The following RUNX1 variants were observed in gnomAD, a reference collection of about 807,000 sequenced individuals.
The protein encoded by RUNX1 is RUNX family transcription factor 1, also known as runt-related transcription factor 1.
A neutral mutation model predicts 42.8 loss-of-function variants in RUNX1; 19 were observed. The ratio of observed to expected loss-of-function variants is 0.44; its 90% CI spans 0.31 to 0.65. RUNX1 has a LOEUF of 0.65. RUNX1 is among the 30% of genes least tolerant of loss of function. RUNX1 has a pLI of 0.07. For synonymous variants in RUNX1, 271 were observed against 289.4 expected, an observed-to-expected ratio of 0.94 and a Z score of 0.64; for missense variants, 528 against 672.0, an observed-to-expected ratio of 0.79 and a Z score of 2.37.
chr21:34,848,930 A>G (rs2057355301), intron 6 of RUNX1, among the ~76,000 whole-genome samples: 1 of 152,304 alleles, frequency 6.6e-6, no homozygotes, highest in South Asian at 2.1e-4. Context: ...TGTAGTATCT[A>G]GGAACTTATT....
chr21:34,875,868 A>G (rs138206284), intron 5 of RUNX1, among the ~76,000 whole-genome samples: 332 of 152,344 alleles, frequency 2.2e-3, no homozygotes, highest in Non-Finnish European at 4.0e-3. Context: ...TTTAGCCCAA[A>G]TAATGTAGAA....
chr21:34,865,955 C>T (rs1040865971), intron 5 of RUNX1, among the ~76,000 whole-genome samples: 1 of 152,158 alleles, frequency 6.6e-6, no homozygotes, highest in Non-Finnish European at 1.5e-5. Context: ...TATAACACCC[C>T]GTGTCTGACG....
At chr21:34,853,120 TATG>T (rs2057447261) in intron 6 of RUNX1, among the ~76,000 whole-genome samples, 3 of 152,182 alleles carry the variant, frequency 2.0e-5, no homozygotes, top group African/African-American at 7.2e-5. Context: ...AGAAGAGGTC[TATG>T]TTGTACAACA....
At chr21:34,944,516 G>T (rs563019553) in intron 2 of RUNX1, among the ~76,000 whole-genome samples, 5 of 152,192 alleles carry the variant, frequency 3.3e-5, no homozygotes, top group Non-Finnish European at 7.3e-5. Context: ...GAAATATGTG[G>T]TTAAATATTG....
chr21:34,844,379 A>G (rs778396982), intron 6 of RUNX1, among the ~76,000 whole-genome samples: 2 of 152,102 alleles, frequency 1.3e-5, no homozygotes, highest in African/African-American at 2.4e-5. Context: ...AGGCGCACAC[A>G]CACTGCTTGC....
At position 34,949,481 on chromosome 21, in the gene RUNX1, A is replaced by G. The variant is rs1035986963; in HGVS notation, c.59-56518T>C. 3.9e-5 allele frequency among the ~76,000 whole-genome samples: 6 copies of G among 152,392 alleles called. No individual in the cohort carries two copies. In the South Asian group the frequency reaches 1.0e-3, roughly 26 times the overall value. ...CAACCTTCAGCAGAGAAACATTCCAATGTGGCTGGGTTGAATGCTTTGTTT... is the reference window on the plus strand; with the variant it reads ...CAACCTTCAGCAGAGAAACATTCCAGTGTGGCTGGGTTGAATGCTTTGTTT... On this transcript the variant is annotated intron_variant, in intron 2 of 8. Coordinates refer to ENST00000675419, the MANE Select transcript of RUNX1 (RefSeq NM_001754.5).
intron 2 of RUNX1, among the ~76,000 whole-genome samples, chr21:34,964,657 T>C (rs574834817): frequency 6.6e-6 from 1 of 152,276 alleles, no homozygotes; most frequent in Admixed American, 6.5e-5. Context: ...ATCAGCCTTG[T>C]AGGTGGTGAT....
Position 34,947,292 on chromosome 21 carries a change from T to C in RUNX1, c.59-54329A>G, listed in dbSNP as rs78011747. ...TTCAGATTTTTTTGGCTACCATTAC[T>C]CTCAGCTATGTTGATGTAATGAAAC... On this transcript the variant is annotated intron_variant, in intron 2 of 8. Coordinates refer to ENST00000675419, the MANE Select transcript of RUNX1 (RefSeq NM_001754.5). Among the ~76,000 whole-genome samples, 805 of 152,312 alleles carry C rather than the reference T, an allele frequency of 5.3e-3. 4 individuals carry two copies. Among genetic ancestry groups the C allele is most frequent in the African/African-American group, 0.018 (765 of 41,572 alleles).
intron 7 of RUNX1, among the ~76,000 whole-genome samples, chr21:34,820,234 T>G (rs1360687659): frequency 6.6e-6 from 1 of 152,024 alleles, no homozygotes; most frequent in African/African-American, 2.4e-5. Context: ...TATCCCTTCC[T>G]TGCTGGGTGG....
At chr21:34,999,715 G>A (rs760414224) in intron 2 of RUNX1, among the ~76,000 whole-genome samples, 3 of 152,162 alleles carry the variant, frequency 2.0e-5, no homozygotes, top group African/African-American at 4.8e-5. Flanking sequence ...TTCAGCCCAC[G>A]GAAAGCACAT....
intron 4 of RUNX1, among the ~76,000 whole-genome samples, chr21:34,882,160 T>C (rs1324641644): frequency 1.3e-5 from 2 of 152,224 alleles, no homozygotes; most frequent in African/African-American, 2.4e-5. Context: ...TCTTTTTCTA[T>C]ATGTAAAAAA....
In RUNX1 at chr21:34,792,311, G is replaced by GGGGGCCGCC; in HGVS notation, c.1266_1267insGGCGGCCCC (p.Glu422_Arg423insGlyGlyPro). 6.5e-7 allele frequency: 1 copy of GGGGGCCGCC among 1,539,288 alleles called. No homozygotes were observed. The highest frequency in any genetic ancestry group is 8.7e-7 in the Non-Finnish European group (1 of 1,143,644). ...GGCGGCAGGATGCGCGGCGGCGAGC[G>GGGGGCCGCC]CTCGCCGCCCACCATGGAGAACTGG... On this transcript the variant is annotated inframe_insertion, in exon 9 of 9. Coordinates refer to ENST00000675419, the MANE Select transcript of RUNX1 (RefSeq NM_001754.5). The surrounding 1 kb of genome is among the most constrained non-coding windows in gnomAD (Gnocchi z 6.9).
chr21:34,920,903 G>C (rs1188856921), intron 2 of RUNX1, among the ~76,000 whole-genome samples: 1 of 152,066 alleles, frequency 6.6e-6, no homozygotes, highest in Non-Finnish European at 1.5e-5. Context: ...CTATCACCCA[G>C]GCTAGAGTGC....
chr21:34,815,475 C>T (rs1034662002), intron 7 of RUNX1, among the ~76,000 whole-genome samples: 3 of 152,172 alleles, frequency 2.0e-5, no homozygotes, highest in Non-Finnish European at 2.9e-5. Flanking sequence ...GGTCCTGAAG[C>T]CCCCGCCATA....
intron 2 of RUNX1, among the ~76,000 whole-genome samples, chr21:34,996,424 G>A (rs75094489): frequency 0.017 from 2,526 of 152,160 alleles, 67 homozygotes; most frequent in African/African-American, 0.057. Context: ...GAAGAGAGCA[G>A]GCTGCAGGGA....
At chr21:35,020,579 T>G (rs2059191188) in intron 2 of RUNX1, among the ~76,000 whole-genome samples, 1 of 152,154 alleles carries the variant, frequency 6.6e-6, no homozygotes, top group South Asian at 2.1e-4. Flanking sequence ...CCACAAACAT[T>G]GGTCCAGGTA....
intron 2 of RUNX1, among the ~76,000 whole-genome samples, chr21:34,975,938 GGAA>G (rs1311652947): frequency 6.6e-6 from 1 of 152,074 alleles, no homozygotes; most frequent in African/African-American, 2.4e-5. Context: ...ACTAAATTAT[GGAA>G]GGTCTTGGTT....
At chr21:34,863,901 T>A (rs2057617216) in intron 5 of RUNX1, among the ~76,000 whole-genome samples, 2 of 152,142 alleles carry the variant, frequency 1.3e-5, no homozygotes, top group African/African-American at 4.8e-5. Context: ...GTCATGTGGT[T>A]CTCCCTCACA....
intron 7 of RUNX1, among the ~76,000 whole-genome samples, chr21:34,820,902 C>T (rs1164451708): frequency 6.6e-6 from 1 of 152,142 alleles, no homozygotes. Context: ...GGGCCAGGAG[C>T]CAGAAAACCT....
Sources: gnomAD v4.1 joint callset for allele counts (sites outside exome capture counted in the v4.1 genomes callset) on GRCh38, gnomAD v4.1.1 for gene constraint, Gnocchi (gnomAD v3.1) non-coding constraint, MANE v1.5 for transcripts, NCBI Gene and HGNC (gene_info 2026-07-23, HGNC 2026-07-21) for gene names.